DHX9: variants seen among roughly 807,000 people sequenced by gnomAD.
DHX9 encodes ATP-dependent RNA helicase A.
Under a neutral mutation model 148.7 loss-of-function variants are expected in DHX9, and 27 were observed. The ratio of observed to expected loss-of-function variants is 0.18; its 90% confidence interval spans 0.13 to 0.25. The LOEUF (loss-of-function observed/expected upper bound fraction) is 0.25. DHX9 is among the 10% of genes least tolerant of loss of function. The probability of loss-of-function intolerance (pLI) is 1.00; values close to 1 mark genes in which losing one functional copy is unlikely to be tolerated. For synonymous variants in DHX9, 529 were observed against 516.6 expected (o/e 1.02, Z -0.33); for missense variants, 796 against 1,559.6 (o/e 0.51, Z 8.25).
chr1:182,858,930 T>C (rs1212741173), intron 10 of DHX9, 36 bp downstream of exon 10: 2 of 1,612,384 alleles, frequency 1.2e-6, no homozygotes, highest in East Asian at 2.2e-5. Context: ...CAGAGTCTTG[T>C]GTTTTACTCT....
At chr1:182,885,126 T>C (rs974677079) in intron 27 of DHX9, among the ~76,000 whole-genome samples, 1 of 152,224 alleles carries the variant, frequency 6.6e-6, no homozygotes, top group African/African-American at 2.4e-5. Flanking sequence ...GATAGCCCTT[T>C]TTCCATGGTA....
chr1:182,884,346 T>C (rs1217875360), intron 26 of DHX9, among the ~76,000 whole-genome samples: 1 of 152,186 alleles, frequency 6.6e-6, no homozygotes, highest in Non-Finnish European at 1.5e-5. Context: ...TATATTTTTA[T>C]TATATTTTAT....
rs758210435 is a variant in DHX9, at chr1:182,853,411, T to C, written c.470T>C (p.Val157Ala). Residue 157 changes from valine (V) to alanine (A), a missense_variant, in exon 5 of 28, where the codon GTG becomes GCG. Val to Ala is a moderately conservative substitution (Grantham distance 64). Coordinates refer to ENST00000367549, the MANE Select transcript of DHX9 (RefSeq NM_001357.5). ...DYYSRKEEQEVQATLESEEVD... is the reference protein window; with the variant it reads ...DYYSRKEEQEAQATLESEEVD... ...TACTCAAGAAAGGAAGAACAAGAAG[T>C]GCAAGCGGTAAGGCCAGCACCGTAG... The C allele has an allele frequency of 9.9e-6, 16 of 1,613,496 alleles. No individual in the cohort carries two copies. The highest frequency in any genetic ancestry group is 1.4e-5 in the Non-Finnish European group (16 of 1,179,540).
chr1:182,877,095 A>G (rs762342417), intron 19 of DHX9, 192 bp downstream of exon 19: 9 of 482,192 alleles, frequency 1.9e-5, no homozygotes, highest in Non-Finnish European at 3.3e-5. Context: ...CAAATCAGTT[A>G]CGGTAGAAAG....
intron 12 of DHX9, among the ~76,000 whole-genome samples, chr1:182,863,778 AT>A (rs1391235574): frequency 1.4e-5 from 2 of 146,960 alleles, no homozygotes; most frequent in African/African-American, 5.4e-5. Flanking sequence ...TGAGCTAAGA[AT>A]TAAGAATTAG....
chr1:182,867,095 G>T (rs74129612), intron 14 of DHX9, 52 bp downstream of exon 14: 69,461 of 1,104,504 alleles, frequency 0.063, 2,888 homozygotes, highest in East Asian at 0.17. Context: ...ATTTCTAAGA[G>T]AAATCAGTAG....
At chr1:182,862,878 A>G (rs1209117908) in intron 12 of DHX9, among the ~76,000 whole-genome samples, 1 of 152,216 alleles carries the variant, frequency 6.6e-6, no homozygotes. Context: ...TACCTGGTAC[A>G]TAGTAATTTC....
rs193298275 is a variant in DHX9, at chr1:182,864,716, A to T, written c.1333-1728A>T. On this transcript the variant is annotated intron_variant, in intron 12 of 27. Coordinates refer to ENST00000367549, the MANE Select transcript of DHX9 (RefSeq NM_001357.5). ...CTTTGCTGTTGAAATAGTTGTCATGATATTAATGTTCTAGTCGTACTTAGA... is the reference window on the plus strand; with the variant it reads ...CTTTGCTGTTGAAATAGTTGTCATGTTATTAATGTTCTAGTCGTACTTAGA... Among the ~76,000 whole-genome samples the T allele has an allele frequency of 9.9e-4, 151 of 152,320 alleles. 1 individual carries two copies. The highest frequency in any genetic ancestry group is 1.1e-3 in the Non-Finnish European group (78 of 68,028).
rs374420769 is a variant in DHX9 at position 182,870,681 on chromosome 1, TGAAA to T, written c.1558-1653_1558-1650del. ...TGAGAACTTTAAACGTGTTGACACA[TGAAA>T]GAGTTTTTCATACACTGAAGTAGAA... On this transcript the variant is annotated intron_variant, in intron 14 of 27. Transcript: ENST00000367549. 2.8e-4 allele frequency among the ~76,000 whole-genome samples: 42 copies of T among 152,288 alleles called. 2 individuals are homozygous for T. The East Asian group carries it at 7.7e-3, about 28-fold the overall frequency.
chr1:182,884,942 A>T, intron 27 of DHX9, 129 bp downstream of exon 27: 1 of 777,960 alleles, frequency 1.3e-6, no homozygotes, highest in Non-Finnish European at 2.1e-6. Context: ...AGAGCTATAT[A>T]GATAGAGAGT....
chr1:182,883,720 A>G (rs987782089), intron 26 of DHX9, 85 bp downstream of exon 26: 7 of 859,132 alleles, frequency 8.1e-6, no homozygotes, highest in African/African-American at 6.8e-5. Flanking sequence ...ACTTAATTAT[A>G]TACTAATTAT....
At chr1:182,868,546 C>T (rs1331234595) in intron 14 of DHX9, among the ~76,000 whole-genome samples, 1 of 103,104 alleles carries the variant, frequency 9.7e-6, no homozygotes. Context: ...AGGAGTCTTG[C>T]CCTTGTTACC....
chr1:182,885,602 A>G (rs767053644), intron 27 of DHX9, among the ~76,000 whole-genome samples: 2 of 152,216 alleles, frequency 1.3e-5, no homozygotes, highest in Non-Finnish European at 2.9e-5. Flanking sequence ...AATGACCTCT[A>G]ATTCCTCATC....
rs59218081 is a variant in DHX9, at chr1:182,868,520, C to CTTTTTTTTTTTTTTTTTTTTTTTTTTTTT, written c.1557+1491_1557+1492insTTTTTTTTTTTTTTTTTTTTTTTTTTTTT. Among the ~76,000 whole-genome samples, 14 of 127,508 alleles carry CTTTTTTTTTTTTTTTTTTTTTTTTTTTTT rather than the reference C, an allele frequency of 1.1e-4. 1 individual carries two copies. Among genetic ancestry groups the CTTTTTTTTTTTTTTTTTTTTTTTTTTTTT allele is most frequent in the African/African-American group, 4.7e-4 (13 of 27,860 alleles). The allele number at this position is 127,508 out of a possible 152,430, so 83.7% of individuals were successfully genotyped here. On this transcript the variant is annotated intron_variant, in intron 14 of 27. Coordinates refer to ENST00000367549, the MANE Select transcript of DHX9 (RefSeq NM_001357.5). ...GATAATCTAACACTTATTTTAATTC[C>CTTTTTTTTTTTTTTTTTTTTTTTTTTTTT]TTTTTTTTTTTTTTGAGGAGTCTTG...
chr1:182,876,803 T>A (rs757432935), intron 18 of DHX9, 27 bp from the exon 19 acceptor site: 1 of 1,540,660 alleles, frequency 6.5e-7, no homozygotes, highest in Non-Finnish European at 8.9e-7. Flanking sequence ...GAATATTTTC[T>A]GGAGTGTAAT....
intron 3 of DHX9, among the ~76,000 whole-genome samples, chr1:182,848,170 A>G (rs1227221621): frequency 6.6e-6 from 1 of 151,998 alleles, no homozygotes; most frequent in Non-Finnish European, 1.5e-5. Context: ...AAACATTGTC[A>G]CCCTCAGGTT....
intron 19 of DHX9, chr1:182,877,799 T>C (rs904564443): frequency 3.9e-6 from 2 of 518,798 alleles, no homozygotes; most frequent in Non-Finnish European, 3.3e-6. Context: ...CCAAGGCAGT[T>C]CAGCTGATAA....
intron 8 of DHX9, 71 bp from the exon 9 acceptor site, chr1:182,858,480 T>C: frequency 1.5e-6 from 2 of 1,326,128 alleles, no homozygotes; most frequent in Non-Finnish European, 2.1e-6. Flanking sequence ...GACCTAGTGT[T>C]GACTGTATAG....
Position 182,876,176 on chromosome 1 carries a change from A to G in DHX9, c.1942A>G (p.Asn648Asp), listed in dbSNP as rs372251526. The G allele has an allele frequency of 1.3e-5, 21 of 1,613,976 alleles. No homozygotes were observed. Among genetic ancestry groups the G allele is most frequent in the Non-Finnish European group, 1.6e-5 (19 of 1,179,884 alleles). ...TCTACTTAAGTACATTGAAACCCTT[A>G]ATGTTCCTGGAGCTGTGTTGGTTTT... ...EALLKYIETL[N>D]VPGAVLVFLP... Residue 648 changes from asparagine (N) to aspartate (D), a missense_variant, in exon 17 of 28, where the codon AAT becomes GAT. Around this residue, in one of 14 missense-constraint regions of DHX9, gnomAD observed 133 missense variants for 223.8 expected, o/e 0.59. Transcript: ENST00000367549.
Sources: allele counts gnomAD v4.1 joint callset (sites outside exome capture counted in the v4.1 genomes callset), GRCh38; gene constraint gnomAD v4.1.1; regional missense constraint gnomAD v4.1.1; transcripts MANE v1.5; gene names NCBI Gene and HGNC (gene_info 2026-07-23, HGNC 2026-07-21).